PATL2: variants seen among roughly 807,000 people sequenced by gnomAD.
The protein encoded by PATL2 is PAT1 homolog 2.
In PATL2, 73 loss-of-function variants were observed where a neutral mutation model predicts 77.0. The ratio of observed to expected loss-of-function variants is 0.95; its 90% CI spans 0.78 to 1.15. The LOEUF (loss-of-function observed/expected upper bound fraction) is 1.15. Among genes scored for constraint, PATL2 ranks in the 50% most tolerant of loss-of-function variants. The pLI is 0.00. For synonymous variants in PATL2, 265 were observed against 257.1 expected (o/e 1.03, Z -0.29); for missense variants, 618 against 655.4 (o/e 0.94, Z 0.62).
At chr15:44,700,190 T>C (rs1225990884) in intron 3 of PATL2, among the ~76,000 whole-genome samples, 1 of 152,220 alleles carries the variant, frequency 6.6e-6, no homozygotes, top group Non-Finnish European at 1.5e-5. Flanking sequence ...TGTTTTATAG[T>C]TATCATCGTA....
chr15:44,671,803 GA>G (rs2085693053), intron 9 of PATL2, among the ~76,000 whole-genome samples: 2 of 152,206 alleles, frequency 1.3e-5, no homozygotes, highest in Non-Finnish European at 1.5e-5. Context: ...TGGGGAACTG[GA>G]AATAATCTTA....
intron 3 of PATL2, among the ~76,000 whole-genome samples, chr15:44,678,948 C>G (rs890924679): frequency 2.0e-5 from 3 of 152,128 alleles, no homozygotes; most frequent in African/African-American, 7.2e-5. Context: ...TATATATCTT[C>G]TAGGAATTTG....
chr15:44,698,139 G>GTA lies in PATL2; in HGVS notation c.-76+11955_-76+11956dup, dbSNP rs1189902444. ...TCATGGGTACATAATGGGTGTGTGT[G>GTA]TATATATATATATGAAGTGTATGAG... On this transcript the variant is annotated intron_variant, in intron 3 of 17. Coordinates refer to ENST00000682850, the MANE Select transcript of PATL2 (RefSeq NM_001387263.1). 5.4e-3 allele frequency among the ~76,000 whole-genome samples: 812 copies of GTA among 150,298 alleles called. 9 individuals are homozygous for GTA. The highest frequency in any genetic ancestry group is 0.018 in the African/African-American group (739 of 40,996).
At position 44,669,810 on chromosome 15, in the gene PATL2, A is replaced by G. The variant is rs1487279888; in HGVS notation, c.843T>C (p.Ala281=). Residue 281 remains alanine, a synonymous_variant, in exon 11 of 18, where the codon GCT becomes GCC. Coordinates refer to ENST00000682850, the MANE Select transcript of PATL2 (RefSeq NM_001387263.1). ...GAGTTCCATGGGGTACCGCATCAAT[A>G]GCTCGGCGAGGGCTGAAGCATGTCG... ...AVSTCFSPRR[A]IDAVPHGTQE... 1.9e-6 allele frequency: 3 copies of G among 1,551,692 alleles called. No homozygotes were observed. The highest frequency in any genetic ancestry group is 1.7e-6 in the Non-Finnish European group (2 of 1,146,982).
chr15:44,689,491 G>A (rs1053163980), intron 3 of PATL2, among the ~76,000 whole-genome samples: 3 of 152,192 alleles, frequency 2.0e-5, no homozygotes, highest in Admixed American at 1.3e-4. Context: ...CCTGGATAAC[G>A]AACATGTGGC....
At position 44,672,464 on chromosome 15, in the gene PATL2, G is replaced by T. The variant is rs1374108092; in HGVS notation, c.447-8C>A. On this transcript the variant is annotated splice_region_variant and splice_polypyrimidine_tract_variant and intron_variant, in intron 7 of 17. Coordinates refer to ENST00000682850, the MANE Select transcript of PATL2 (RefSeq NM_001387263.1). Reference sequence around the variant, plus strand: ...TGGAGCTGGGTCAGATGACTGGGAAGACAAGAAGTAACGAGCTGGGTGGAA... The same window carrying T: ...TGGAGCTGGGTCAGATGACTGGGAATACAAGAAGTAACGAGCTGGGTGGAA... 2 of 1,551,144 alleles carry T rather than the reference G, an allele frequency of 1.3e-6. No individual in the cohort carries two copies. Among genetic ancestry groups the T allele is most frequent in the Admixed American group, 2.0e-5 (1 of 50,998 alleles).
At chr15:44,672,817 T>A (rs1385429265) in intron 7 of PATL2, among the ~76,000 whole-genome samples, 4 of 152,220 alleles carry the variant, frequency 2.6e-5, no homozygotes, top group Admixed American at 2.0e-4. Context: ...TGGAGTGCAG[T>A]GGCATGGTCT....
rs2085493311 is a variant in PATL2, at chr15:44,668,432, G to A, written c.1275C>T (p.Thr425=). The change falls in exon 15 of 18, where the codon ACC becomes ACT. Residue 425 remains threonine (T), a synonymous_variant. Coordinates refer to ENST00000682850, the MANE Select transcript of PATL2 (RefSeq NM_001387263.1). ...KPLGKCISHL[T]LHELLQGLQG... The stretch of plus-strand genomic sequence containing the variant: ...GAAGTCCTTGGAGGAGTTCGTGGAG[G>A]GTCAAGTGACTAATACATTTGCCCA... 6.4e-7 allele frequency: 1 copy of A among 1,551,302 alleles called. No individual in the cohort carries two copies. The highest frequency in any genetic ancestry group is 2.4e-5 in the East Asian group (1 of 40,922).
Position 44,710,537 on chromosome 15 carries a change from T to C in PATL2, c.-194-323A>G, listed in dbSNP as rs181737474. Among the ~76,000 whole-genome samples, 12 of 152,316 alleles carry C rather than the reference T, an allele frequency of 7.9e-5. No homozygotes were observed. In the East Asian group the frequency reaches 2.3e-3, roughly 29 times the overall value. ...TTGCCGAGCCCTTTGTCTTCCAGTG[T>C]CTAAAATATTAATGTCAATGGAATC... On this transcript the variant is annotated intron_variant, in intron 2 of 17. Transcript: ENST00000682850.
Position 44,676,463 on chromosome 15 carries a change from A to G in PATL2, c.16+12T>C. ...GGCATTTTATATAACATCACGGCCC[A>G]CTTGTTGATACCTTCAAGGCAATTC... is the stretch of plus-strand genomic sequence containing the variant. On this transcript the variant is annotated intron_variant, in intron 4 of 17. Transcript: ENST00000682850. The G allele has an allele frequency of 6.5e-7, 1 of 1,547,740 alleles. No homozygotes were observed. Among genetic ancestry groups the G allele is most frequent in the African/African-American group, 1.4e-5 (1 of 73,052 alleles).
rs138879357 is a variant in PATL2, at chr15:44,696,103, C to T, written c.-76+13993G>A. Among the ~76,000 whole-genome samples, 138 of 152,254 alleles carry T rather than the reference C, an allele frequency of 9.1e-4. 1 individual carries two copies. The highest frequency in any genetic ancestry group is 3.2e-3 in the African/African-American group (131 of 41,532). ...ATGTTGATTTTTTAATAGTGCTGCACGGAATCCAAGGCAAGATAGAAAATA... is the reference window on the plus strand; with the variant it reads ...ATGTTGATTTTTTAATAGTGCTGCATGGAATCCAAGGCAAGATAGAAAATA... On this transcript the variant is annotated intron_variant, in intron 3 of 17. Transcript: ENST00000682850.
rs2085960528 is a variant in PATL2 at position 44,676,473 on chromosome 15, A to G, written c.16+2T>C. ...ATAACATCACGGCCCACTTGTTGAT[A>G]CCTTCAAGGCAATTCATCTTGGCAG... On this transcript the variant is annotated splice_donor_variant, in intron 4 of 17. Transcript: ENST00000682850. LOFTEE classifies it high-confidence loss of function. 6.5e-7 allele frequency: 1 copy of G among 1,550,374 alleles called. No individual in the cohort carries two copies. Among genetic ancestry groups the G allele is most frequent in the African/African-American group, 1.4e-5 (1 of 73,014 alleles).
intron 3 of PATL2, among the ~76,000 whole-genome samples, chr15:44,702,413 AT>A (rs2086648534): frequency 1.3e-5 from 2 of 150,136 alleles, no homozygotes; most frequent in Admixed American, 1.3e-4. Context: ...GGAATTGTTG[AT>A]TTTTGTCTTT....
rs768180121 is a variant in PATL2 at position 44,668,446 on chromosome 15, T to A, written c.1261A>T (p.Ile421Phe). 5.1e-5 allele frequency: 79 copies of A among 1,551,386 alleles called. No individual in the cohort carries two copies. The highest frequency in any genetic ancestry group is 6.9e-5 in the Non-Finnish European group (79 of 1,146,950). Residue 421 changes from isoleucine to phenylalanine, a missense_variant, in exon 15 of 18, where the codon ATT becomes TTT. Transcript: ENST00000682850. Reference protein sequence around the residue: ...QMLFKPLGKCISHLTLHELLQ... With the variant: ...QMLFKPLGKCFSHLTLHELLQ... ...AGTTCGTGGAGGGTCAAGTGACTAATACATTTGCCCAGAGGTTTGAATAAC... is the reference window on the plus strand; with the variant it reads ...AGTTCGTGGAGGGTCAAGTGACTAAAACATTTGCCCAGAGGTTTGAATAAC...
chr15:44,673,105 G>A (rs969584043), intron 7 of PATL2, 130 bp downstream of exon 7: 175 of 1,221,514 alleles, frequency 1.4e-4, no homozygotes, highest in Non-Finnish European at 1.8e-4. Context: ...TGAGGGAGAC[G>A]GAATTAGACT....
rs768966918 is a variant in PATL2 at position 44,688,378 on chromosome 15, C to T, written c.-75-11813G>A. Reference sequence around the variant, plus strand: ...TTTCATATGGAACCAAAAAAGAGCCCGCATAGCCAAGACAATCCTAAGCAA... The same window carrying T: ...TTTCATATGGAACCAAAAAAGAGCCTGCATAGCCAAGACAATCCTAAGCAA... On this transcript the variant is annotated intron_variant, in intron 3 of 17. Coordinates refer to ENST00000682850, the MANE Select transcript of PATL2 (RefSeq NM_001387263.1). Among the ~76,000 whole-genome samples, 67 of 151,958 alleles carry T rather than the reference C, an allele frequency of 4.4e-4. 1 individual carries two copies. Among genetic ancestry groups the T allele is most frequent in the Non-Finnish European group, 5.0e-4 (34 of 67,968 alleles).
intron 16 of PATL2, 188 bp from the exon 17 acceptor site, chr15:44,666,729 A>G (rs1019538107): frequency 6.8e-6 from 4 of 589,294 alleles, no homozygotes; most frequent in South Asian, 2.4e-5. Context: ...TTCCCTTCCT[A>G]TTTAATCTTA....
In PATL2 at chr15:44,669,111, G is replaced by A; in HGVS notation, c.1093C>T (p.Leu365Phe). The change falls in exon 14 of 18, where the codon CTC becomes TTC. Residue 365 changes from leucine (L) to phenylalanine (F), a missense_variant. Transcript: ENST00000682850. ...AGGGCCTTCCCCTTCCTCACAGAGA[G>A]CACCTGCAGGAAGCCATCTGCTGCC... ...EEAADGFLQV[L>F]SVRKGKALVA... 3 of 1,545,866 alleles carry A rather than the reference G, an allele frequency of 1.9e-6. No homozygotes were observed. The highest frequency in any genetic ancestry group is 2.4e-5 in the South Asian group (2 of 83,510).
chr15:44,683,316 G>A (rs890804300), intron 3 of PATL2, among the ~76,000 whole-genome samples: 1 of 152,200 alleles, frequency 6.6e-6, no homozygotes, highest in Non-Finnish European at 1.5e-5. Context: ...CCCCCACAGA[G>A]CCCAGCAAGC....
Sources: gnomAD v4.1 joint callset for allele counts (sites outside exome capture counted in the v4.1 genomes callset) on GRCh38, gnomAD v4.1.1 for gene constraint, MANE v1.5 for transcripts, NCBI Gene and HGNC (gene_info 2026-07-23, HGNC 2026-07-21) for gene names.